Variants in ANAPC1 observed in about 807,000 individuals in gnomAD.
The protein encoded by ANAPC1 is anaphase promoting complex subunit 1.
Under a neutral mutation model 208.0 loss-of-function variants are expected in ANAPC1, and 36 were observed. The ratio of observed to expected loss-of-function variants is 0.17; its 90% CI spans 0.13 to 0.23. The LOEUF is 0.23. Among genes scored for constraint, ANAPC1 ranks in the 10% least tolerant of loss-of-function variants. ANAPC1 has a pLI of 1.00. For missense variants in ANAPC1, 942 were observed against 2,011.6 expected, an observed-to-expected ratio of 0.47 and a Z score of 10.17; for synonymous variants, 378 against 695.2, an observed-to-expected ratio of 0.54 and a Z score of 7.18.
chr2:111,821,550 T>C (rs1170593895), intron 25 of ANAPC1, 97 bp from the exon 26 acceptor site: 3 of 1,350,520 alleles, frequency 2.2e-6, no homozygotes, highest in Middle Eastern at 1.9e-4. Flanking sequence ...TTGACTATAC[T>C]AGCACAGAGA....
chr2:111,772,247 G>C, intron 47 of ANAPC1, 94 bp downstream of exon 47: 2 of 1,551,970 alleles, frequency 1.3e-6, no homozygotes, highest in Non-Finnish European at 1.8e-6. Context: ...TAATGAAGAG[G>C]AAAGTCAAAC....
intron 46 of ANAPC1, among the ~76,000 whole-genome samples, chr2:111,775,658 CTGTTTTAGAGAA>C (rs1397854701): frequency 6.6e-6 from 1 of 152,096 alleles, no homozygotes; most frequent in Non-Finnish European, 1.5e-5. Flanking sequence ...AATCAGGGCC[CTGTTTTAGAGAA>C]TGTTCTAATC....
chr2:111,867,936 C>T, intron 7 of ANAPC1, 87 bp downstream of exon 7: 1 of 747,820 alleles, frequency 1.3e-6, no homozygotes, highest in Non-Finnish European at 2.1e-6. Context: ...TTTTATAAGT[C>T]AGTTTTCATA....
chr2:111,872,040 T>C (rs535112579), intron 6 of ANAPC1, among the ~76,000 whole-genome samples: 17 of 152,324 alleles, frequency 1.1e-4, no homozygotes, highest in East Asian at 9.7e-4. Flanking sequence ...TGAATAGAAA[T>C]AGTGAAAGTA....
At chr2:111,865,578 C>T (rs1240691353) in intron 7 of ANAPC1, among the ~76,000 whole-genome samples, 1 of 152,122 alleles carries the variant, frequency 6.6e-6, no homozygotes, top group African/African-American at 2.4e-5. Flanking sequence ...AAATAAAAAT[C>T]ATGCCACCAT....
chr2:111,789,009 G>A (rs1183654731), intron 38 of ANAPC1, among the ~76,000 whole-genome samples: 4 of 152,262 alleles, frequency 2.6e-5, no homozygotes, highest in Non-Finnish European at 5.9e-5. Flanking sequence ...GCCGTGGCGG[G>A]CGCCTATAGT....
intron 7 of ANAPC1, among the ~76,000 whole-genome samples, chr2:111,866,798 C>T (rs1262765330): frequency 4.0e-5 from 5 of 126,000 alleles, no homozygotes; most frequent in African/African-American, 1.6e-4. Context: ...GGAAATTGTA[C>T]TTAAAAAAAA....
At chr2:111,779,856 A>C (rs1677187199) in intron 44 of ANAPC1, 1 of 233,742 alleles carries the variant, frequency 4.3e-6, no homozygotes, top group South Asian at 5.3e-5. Flanking sequence ...AAAAAACAAA[A>C]AACAAAAAAA....
chr2:111,798,761 G>A (rs368980485), intron 34 of ANAPC1, among the ~76,000 whole-genome samples: 24 of 152,242 alleles, frequency 1.6e-4, no homozygotes, highest in East Asian at 1.9e-4. Context: ...CAGGCCAGGC[G>A]TGGTGGCTCA....
intron 17 of ANAPC1, 54 bp from the exon 18 acceptor site, chr2:111,838,566 C>G: frequency 1.4e-6 from 2 of 1,429,684 alleles, no homozygotes; most frequent in South Asian, 2.6e-5. Flanking sequence ...TTCCTGTCAA[C>G]TGATCAACTT....
intron 30 of ANAPC1, among the ~76,000 whole-genome samples, chr2:111,804,054 ACT>A (rs1002514611): frequency 4.0e-5 from 6 of 150,976 alleles, no homozygotes; most frequent in African/African-American, 1.2e-4. Context: ...AACTTTAAGT[ACT>A]GTCTTAAAAT....
In ANAPC1 at chr2:111,858,194, T is replaced by C. The variant is rs972255538; in HGVS notation, c.1358+112A>G. 16 of 712,692 alleles carry C rather than the reference T, an allele frequency of 2.2e-5. No individual in the cohort carries two copies. The African/African-American group carries it at 2.8e-4, about 12-fold the overall frequency. 44.1% of individuals were successfully genotyped at this position (712,692 alleles called of 1,614,324 possible). On this transcript the variant is annotated intron_variant, in intron 11 of 47. Transcript: ENST00000341068. The stretch of plus-strand genomic sequence containing the variant: ...AAAAACATGTTAATTTTATGACATG[T>C]AAATTATTTCTAAATAAAACTACTT...
chr2:111,880,571 T>A (rs1207291496), intron 2 of ANAPC1, 42 bp downstream of exon 2: 2 of 1,550,476 alleles, frequency 1.3e-6, no homozygotes, highest in Non-Finnish European at 1.7e-6. Flanking sequence ...GTAGATTATA[T>A]CACTCTACAT....
chr2:111,863,633 A>T (rs781402253), intron 9 of ANAPC1, 42 bp downstream of exon 9: 1 of 1,574,892 alleles, frequency 6.3e-7, no homozygotes. Context: ...CCTTCAAAAC[A>T]AAACAGAAAG....
At chr2:111,831,045 T>C (rs1468680184) in intron 21 of ANAPC1, among the ~76,000 whole-genome samples, 1 of 152,134 alleles carries the variant, frequency 6.6e-6, no homozygotes, top group Non-Finnish European at 1.5e-5. Flanking sequence ...AACTACTAAT[T>C]AGCCATAGAA....
chr2:111,864,977 G>T (rs1682326115), intron 7 of ANAPC1, 26 bp from the exon 8 acceptor site: 2 of 1,594,834 alleles, frequency 1.3e-6, no homozygotes, highest in East Asian at 2.2e-5. Context: ...GAAAAATCAG[G>T]TATAGAACAA....
chr2:111,832,695 C>A (rs555736884), intron 20 of ANAPC1, among the ~76,000 whole-genome samples: 1 of 151,856 alleles, frequency 6.6e-6, no homozygotes, highest in Admixed American at 6.6e-5. Context: ...TTTGGGAGGC[C>A]GAGGCGGGTG....
At chr2:111,810,833 A>G (rs1463138441) in intron 28 of ANAPC1, among the ~76,000 whole-genome samples, 73 of 139,980 alleles carry the variant, frequency 5.2e-4, no homozygotes, top group Middle Eastern at 3.5e-3. Flanking sequence ...CAGTGAGACG[A>G]GATCACACCA....
chr2:111,771,821 A>T (rs1010783943), intron 47 of ANAPC1, among the ~76,000 whole-genome samples: 2 of 152,056 alleles, frequency 1.3e-5, no homozygotes, highest in Non-Finnish European at 2.9e-5. Flanking sequence ...GGTGCTTAGA[A>T]TTCATCATAT....
Sources: gnomAD v4.1 joint callset for allele counts (sites outside exome capture counted in the v4.1 genomes callset) on GRCh38, gnomAD v4.1.1 for gene constraint, MANE v1.5 for transcripts, NCBI Gene and HGNC (gene_info 2026-07-23, HGNC 2026-07-21) for gene names.